HS6ST3: variants seen among roughly 807,000 people sequenced by gnomAD.
HS6ST3 encodes heparan-sulfate 6-O-sulfotransferase 3.
A neutral mutation model predicts 36.7 loss-of-function variants in HS6ST3; 12 were observed. The ratio of observed to expected loss-of-function variants is 0.33; its 90% CI spans 0.21 to 0.53. HS6ST3 has a LOEUF of 0.53. Ranked by LOEUF, HS6ST3 falls within the 20% of genes least tolerant of loss-of-function variation. HS6ST3 has a pLI of 0.95. For missense variants in HS6ST3, 584 were observed against 640.9 expected (o/e 0.91, Z 0.96); for synonymous variants, 240 against 257.5 (o/e 0.93, Z 0.65).
Position 96,278,006 on chromosome 13 carries a change from C to G in HS6ST3, c.707+186437C>G, listed in dbSNP as rs539960758. Among the ~76,000 whole-genome samples the G allele has an allele frequency of 3.3e-5, 5 of 152,260 alleles. No homozygotes were observed. In the South Asian group the frequency reaches 1.0e-3, roughly 32 times the overall value. Reference sequence around the variant, plus strand: ...CATTGTGCATTAAGTTTTAGCTTAACTAATAATGAGGACTCCGTTAATACA... The same window carrying G: ...CATTGTGCATTAAGTTTTAGCTTAAGTAATAATGAGGACTCCGTTAATACA... On this transcript the variant is annotated intron_variant, in intron 1 of 1. Transcript: ENST00000376705.
chr13:96,494,449 G>A (rs533050115), intron 1 of HS6ST3, among the ~76,000 whole-genome samples: 10 of 151,108 alleles, frequency 6.6e-5, no homozygotes, highest in East Asian at 3.9e-4. Flanking sequence ...ATTAAATGAC[G>A]AGTTAATGGG....
At chr13:96,790,678 C>T (rs1877765804) in intron 1 of HS6ST3, among the ~76,000 whole-genome samples, 1 of 151,990 alleles carries the variant, frequency 6.6e-6, no homozygotes, top group Admixed American at 6.6e-5. Flanking sequence ...AATAGAACTT[C>T]AGAAGACATT....
At chr13:96,580,304 G>A (rs961272757) in intron 1 of HS6ST3, among the ~76,000 whole-genome samples, 1 of 149,998 alleles carries the variant, frequency 6.7e-6, no homozygotes, top group Non-Finnish European at 1.5e-5. Flanking sequence ...AAAGATTTCT[G>A]TATAACATTA....
chr13:96,153,551 A>G (rs573811765), intron 1 of HS6ST3, among the ~76,000 whole-genome samples: 1 of 152,288 alleles, frequency 6.6e-6, no homozygotes, highest in East Asian at 1.9e-4. Context: ...TGGTTAGAAG[A>G]TGTGGCCGTT....
intron 1 of HS6ST3, among the ~76,000 whole-genome samples, chr13:96,621,200 G>A (rs1248774071): frequency 6.6e-6 from 1 of 152,164 alleles, no homozygotes; most frequent in East Asian, 1.9e-4. Context: ...ACCTTGATAT[G>A]GTTTGACTGT....
At chr13:96,131,752 T>A (rs2053976669) in intron 1 of HS6ST3, among the ~76,000 whole-genome samples, 2 of 151,648 alleles carry the variant, frequency 1.3e-5, no homozygotes, top group East Asian at 3.9e-4. Context: ...ACTCTTTTTT[T>A]TTTTTAATCA....
At chr13:96,449,490 A>C (rs1229145640) in intron 1 of HS6ST3, among the ~76,000 whole-genome samples, 1 of 152,118 alleles carries the variant, frequency 6.6e-6, no homozygotes, top group Non-Finnish European at 1.5e-5. Context: ...TGTCTCTCTT[A>C]GTTTACTCCT....
chr13:96,676,950 CAGG>C (rs2138434950), intron 1 of HS6ST3, among the ~76,000 whole-genome samples: 1 of 152,190 alleles, frequency 6.6e-6, no homozygotes, highest in South Asian at 2.1e-4. Context: ...GAACTAAAAA[CAGG>C]AGGAGAGTCA....
chr13:96,808,350 A>G (rs1224243792), intron 1 of HS6ST3, among the ~76,000 whole-genome samples: 1 of 152,186 alleles, frequency 6.6e-6, no homozygotes, highest in Non-Finnish European at 1.5e-5. Context: ...GGTAGGTATC[A>G]CTTCCAGATC....
intron 1 of HS6ST3, among the ~76,000 whole-genome samples, chr13:96,284,029 T>A (rs2054788097): frequency 6.6e-6 from 1 of 152,156 alleles, no homozygotes; most frequent in Non-Finnish European, 1.5e-5. Flanking sequence ...TTGTTCCATT[T>A]GTTTCTTTCC....
At chr13:96,383,155 T>C (rs183496052) in intron 1 of HS6ST3, among the ~76,000 whole-genome samples, 111 of 151,204 alleles carry the variant, frequency 7.3e-4, no homozygotes, top group African/African-American at 2.5e-3. Context: ...ATGGATGAGG[T>C]AAAAGTGGGA....
intron 1 of HS6ST3, among the ~76,000 whole-genome samples, chr13:96,322,460 G>C (rs888902696): frequency 3.9e-5 from 6 of 152,010 alleles, no homozygotes; most frequent in African/African-American, 1.4e-4. Context: ...GAGAGGCTGA[G>C]GTGGGAGGAT....
At chr13:96,428,718 T>C (rs1265980344) in intron 1 of HS6ST3, among the ~76,000 whole-genome samples, 1 of 152,192 alleles carries the variant, frequency 6.6e-6, no homozygotes, top group Non-Finnish European at 1.5e-5. Context: ...TTCCAGGTGC[T>C]TATCAAGTAA....
chr13:96,197,106 T>C (rs980554204), intron 1 of HS6ST3, among the ~76,000 whole-genome samples: 1 of 152,240 alleles, frequency 6.6e-6, no homozygotes, highest in African/African-American at 2.4e-5. Context: ...TGATAGAAAT[T>C]TCTTTAGCTT....
intron 1 of HS6ST3, among the ~76,000 whole-genome samples, chr13:96,496,132 A>T (rs1440555954): frequency 2.0e-5 from 3 of 152,210 alleles, no homozygotes; most frequent in Non-Finnish European, 4.4e-5. Context: ...CTGTGCTCCC[A>T]TCCCATTCTA....
rs146492273 is a variant in HS6ST3 at position 96,191,356 on chromosome 13, C to T, written c.707+99787C>T. The stretch of plus-strand genomic sequence containing the variant: ...GCTCCAACCTCTCTCATCTTTGCTG[C>T]GTATACACACAAGAACACAGTCCTA... On this transcript the variant is annotated intron_variant, in intron 1 of 1. Transcript: ENST00000376705. 9.5e-4 allele frequency among the ~76,000 whole-genome samples: 144 copies of T among 152,286 alleles called. 1 individual carries two copies. The highest frequency in any genetic ancestry group is 2.6e-3 in the Admixed American group (39 of 15,290).
At chr13:96,242,299 A>G (rs2054564653) in intron 1 of HS6ST3, among the ~76,000 whole-genome samples, 1 of 150,788 alleles carries the variant, frequency 6.6e-6, no homozygotes, top group Admixed American at 6.6e-5. Flanking sequence ...ACCTTGGCTC[A>G]CTTCAGCCTT....
At chr13:96,231,800 A>G (rs909888826) in intron 1 of HS6ST3, among the ~76,000 whole-genome samples, 3 of 152,170 alleles carry the variant, frequency 2.0e-5, no homozygotes, top group African/African-American at 7.2e-5. Flanking sequence ...GTTTATGTGA[A>G]GGGTGGGGTT....
chr13:96,122,976 C>A (rs2053933465), intron 1 of HS6ST3, among the ~76,000 whole-genome samples: 1 of 152,122 alleles, frequency 6.6e-6, no homozygotes, highest in African/African-American at 2.4e-5. Flanking sequence ...GGTTAGATAG[C>A]TGATTTAAGG....
Sources: allele counts gnomAD v4.1 joint callset (sites outside exome capture counted in the v4.1 genomes callset), GRCh38; gene constraint gnomAD v4.1.1; transcripts MANE v1.5; gene names NCBI Gene and HGNC (gene_info 2026-07-23, HGNC 2026-07-21).